The following SLC13A3 variants were observed in gnomAD, a reference collection of about 807,000 sequenced individuals.
SLC13A3 encodes Na(+)/dicarboxylate cotransporter 3.
Under a neutral mutation model 59.0 loss-of-function variants are expected in SLC13A3, and 40 were observed. That is an observed-to-expected ratio of 0.68 (90% CI 0.53 to 0.88). The LOEUF is 0.88. Among genes scored for constraint, SLC13A3 ranks in the 40% least tolerant of loss-of-function variants. The pLI is 0.00. For synonymous variants in SLC13A3, 317 were observed against 330.3 expected (o/e 0.96, Z 0.44); for missense variants, 699 against 783.2 (o/e 0.89, Z 1.28).
chr20:46,678,566 T>C (rs983369708), intron 1 of SLC13A3, among the ~76,000 whole-genome samples: 1 of 152,220 alleles, frequency 6.6e-6, no homozygotes, highest in African/African-American at 2.4e-5. Context: ...AGATTGCTGC[T>C]GAACCTCCGG....
intron 1 of SLC13A3, among the ~76,000 whole-genome samples, chr20:46,663,452 A>T (rs977064039): frequency 3.3e-5 from 5 of 152,134 alleles, no homozygotes; most frequent in Admixed American, 2.6e-4. Context: ...TTCAAAAAAA[A>T]AAAAAAAGTT....
upstream of SLC13A3, among the ~76,000 whole-genome samples, chr20:46,654,590 C>T (rs768946732): frequency 1.8e-4 from 27 of 152,090 alleles, no homozygotes; most frequent in African/African-American, 6.5e-4. Context: ...AGTGCAATGG[C>T]GCCATCTCAG....
intron 6 of SLC13A3, among the ~76,000 whole-genome samples, chr20:46,590,690 T>C (rs769561437): frequency 2.0e-5 from 3 of 152,134 alleles, no homozygotes; most frequent in Non-Finnish European, 4.4e-5. Context: ...CTCTCATACA[T>C]TGTTCATGGG....
chr20:46,656,087 A>T (rs1349361552), upstream of SLC13A3, among the ~76,000 whole-genome samples: 1 of 143,652 alleles, frequency 7.0e-6, no homozygotes, highest in African/African-American at 2.5e-5. Flanking sequence ...CATATATATT[A>T]TATATACTGT....
At chr20:46,656,330 TACTATACA>T (rs2062991373), upstream of SLC13A3, among the ~76,000 whole-genome samples, 2 of 118,880 alleles carry the variant, frequency 1.7e-5, 1 homozygote, top group African/African-American at 6.0e-5. Context: ...GTATATGATA[TACTATACA>T]GTATATATTA....
At chr20:46,674,602 C>CGTGTGTGTGTGTGT (rs142752461), upstream of SLC13A3, among the ~76,000 whole-genome samples, 40 of 114,412 alleles carry the variant, frequency 3.5e-4, no homozygotes, top group Non-Finnish European at 5.5e-4. Flanking sequence ...CGCGCGCGCG[C>CGTGTGTGTGTGTGT]GCGTGTGTGT....
At chr20:46,585,341 C>T (rs933819789) in intron 8 of SLC13A3, 2 of 999,958 alleles carry the variant, frequency 2.0e-6, no homozygotes, top group African/African-American at 3.5e-5. Context: ...GATAAAGAGC[C>T]ACTAACTTTT....
chr20:46,566,509 G>A, intron 10 of SLC13A3, 119 bp from the exon 11 acceptor site: 1 of 1,148,068 alleles, frequency 8.7e-7, no homozygotes. Context: ...GGGAGACTGA[G>A]GTGCAGAGAG....
chr20:46,661,946 C>T (rs1290869379), intron 1 of SLC13A3, among the ~76,000 whole-genome samples: 9 of 152,142 alleles, frequency 5.9e-5, no homozygotes, highest in Non-Finnish European at 1.2e-4. Flanking sequence ...TGTAATATCC[C>T]GCACTTGATA....
intron 1 of SLC13A3, among the ~76,000 whole-genome samples, chr20:46,649,808 C>T (rs186080063): frequency 5.3e-5 from 8 of 152,224 alleles, no homozygotes; most frequent in East Asian, 1.9e-4. Context: ...TTCTCTTCCA[C>T]GTCGAGAAAG....
intron 1 of SLC13A3, among the ~76,000 whole-genome samples, chr20:46,628,470 G>C (rs544601747): frequency 6.6e-6 from 1 of 152,288 alleles, no homozygotes; most frequent in African/African-American, 2.4e-5. Context: ...TGACGGCAAG[G>C]CCTAACGGAG....
chr20:46,600,817 T>C (rs1393614617), intron 3 of SLC13A3, among the ~76,000 whole-genome samples: 1 of 152,134 alleles, frequency 6.6e-6, no homozygotes, highest in Non-Finnish European at 1.5e-5. Flanking sequence ...AATAAATGAA[T>C]AAAGAAAATT....
At chr20:46,669,400 C>T (rs2063078851) in intron 1 of SLC13A3, among the ~76,000 whole-genome samples, 1 of 152,076 alleles carries the variant, frequency 6.6e-6, no homozygotes. Flanking sequence ...CTAAGTGCTT[C>T]CTCAGCTTTT....
rs573815235 is a variant in SLC13A3, at chr20:46,631,691, C to A, written c.112-17966G>T. Among the ~76,000 whole-genome samples, 245 of 152,190 alleles carry A rather than the reference C, an allele frequency of 1.6e-3. 1 individual carries two copies. Among genetic ancestry groups the A allele is most frequent in the African/African-American group, 5.8e-3 (239 of 41,516 alleles). On this transcript the variant is annotated intron_variant, in intron 1 of 12. Coordinates refer to ENST00000279027, the MANE Select transcript of SLC13A3 (RefSeq NM_022829.6). ...GCTTTCTTATAGGAAGCCTTATAAT[C>A]CCCCCACCAAAGAAATCCCAGCTTC...
At chr20:46,639,966 G>A (rs1302255767) in intron 1 of SLC13A3, among the ~76,000 whole-genome samples, 2 of 152,150 alleles carry the variant, frequency 1.3e-5, no homozygotes. Flanking sequence ...GCAAGTGAGG[G>A]AACCACTCGG....
intron 11 of SLC13A3, among the ~76,000 whole-genome samples, chr20:46,564,612 C>T (rs2061963884): frequency 6.6e-6 from 1 of 152,132 alleles, no homozygotes. Context: ...GTGACCAGGT[C>T]CCTCTGAGGA....
intron 2 of SLC13A3, among the ~76,000 whole-genome samples, chr20:46,611,219 C>A (rs1170371706): frequency 2.6e-5 from 4 of 152,156 alleles, no homozygotes; most frequent in African/African-American, 9.7e-5. Context: ...TTGGAAAATC[C>A]TTCCTTCGGA....
chr20:46,565,360 T>C (rs1033816363), intron 11 of SLC13A3, among the ~76,000 whole-genome samples: 3 of 152,242 alleles, frequency 2.0e-5, no homozygotes, highest in African/African-American at 7.2e-5. Flanking sequence ...GGGAACTCTC[T>C]GTTCCTTGCA....
At chr20:46,595,619 G>A (rs1403444126) in intron 5 of SLC13A3, among the ~76,000 whole-genome samples, 8 of 152,182 alleles carry the variant, frequency 5.3e-5, no homozygotes, top group African/African-American at 1.9e-4. Context: ...GGAGTCCTTA[G>A]ACAACACTTA....
Sources: gnomAD v4.1 joint callset for allele counts (sites outside exome capture counted in the v4.1 genomes callset) on GRCh38, gnomAD v4.1.1 for gene constraint, MANE v1.5 for transcripts, NCBI Gene and HGNC (gene_info 2026-07-23, HGNC 2026-07-21) for gene names.